The following KCNAB1 variants were observed in gnomAD, a reference collection of about 807,000 sequenced individuals.
KCNAB1 encodes voltage-gated potassium channel subunit beta-1.
A neutral mutation model predicts 64.6 loss-of-function variants in KCNAB1; 35 were observed. The ratio of observed to expected loss-of-function variants is 0.54; its 90% confidence interval spans 0.41 to 0.72. The LOEUF (loss-of-function observed/expected upper bound fraction) is 0.72, where lower values mean the gene tolerates loss of function less well. KCNAB1 is among the 30% of genes least tolerant of loss of function. The probability of loss-of-function intolerance (pLI) is 0.00; values close to 1 mark genes in which losing one functional copy is unlikely to be tolerated. For missense variants in KCNAB1, 401 were observed against 512.9 expected, an observed-to-expected ratio of 0.78 and a Z score of 2.11; for synonymous variants, 177 against 183.8, an observed-to-expected ratio of 0.96 and a Z score of 0.30.
At chr3:156,290,569 C>T (rs1720342604) in intron 1 of KCNAB1, among the ~76,000 whole-genome samples, 1 of 152,184 alleles carries the variant, frequency 6.6e-6, no homozygotes, top group Admixed American at 6.5e-5. Context: ...ATATTCCTGC[C>T]TCATGTGGGT....
At chr3:156,500,190 C>G (rs889786978) in intron 8 of KCNAB1, among the ~76,000 whole-genome samples, 1 of 152,138 alleles carries the variant, frequency 6.6e-6, no homozygotes, top group African/African-American at 2.4e-5. Context: ...GAGGGCCCAG[C>G]TGAATTAGGT....
At chr3:156,322,133 G>A (rs1470816335) in intron 1 of KCNAB1, among the ~76,000 whole-genome samples, 1 of 152,154 alleles carries the variant, frequency 6.6e-6, no homozygotes, top group Non-Finnish European at 1.5e-5. Flanking sequence ...CAAAGGACTG[G>A]GTCCAGCTGA....
intron 1 of KCNAB1, among the ~76,000 whole-genome samples, chr3:156,371,867 G>C (rs1160530137): frequency 6.6e-6 from 1 of 152,082 alleles, no homozygotes; most frequent in Non-Finnish European, 1.5e-5. Flanking sequence ...CAACCAGAAG[G>C]CAATAAAATG....
intron 1 of KCNAB1, among the ~76,000 whole-genome samples, chr3:156,147,353 C>G (rs940883446): frequency 5.3e-5 from 8 of 152,266 alleles, no homozygotes; most frequent in African/African-American, 1.9e-4. Context: ...TTATAGCAAA[C>G]ACAGCAGCAA....
intron 1 of KCNAB1, among the ~76,000 whole-genome samples, chr3:156,371,055 A>G (rs1413802672): frequency 6.6e-6 from 1 of 152,228 alleles, no homozygotes; most frequent in Non-Finnish European, 1.5e-5. Flanking sequence ...TTTATCATAG[A>G]TAAGGAATGA....
intron 1 of KCNAB1, among the ~76,000 whole-genome samples, chr3:156,195,149 T>G (rs964351198): frequency 4.6e-5 from 7 of 152,258 alleles, no homozygotes; most frequent in Non-Finnish European, 1.0e-4. Flanking sequence ...TATTCCATGG[T>G]GTATATGTGC....
chr3:156,367,191 T>C lies in KCNAB1; in HGVS notation c.276-54425T>C, dbSNP rs561477289. On this transcript the variant is annotated intron_variant, in intron 1 of 13. Coordinates refer to ENST00000490337, the MANE Select transcript of KCNAB1 (RefSeq NM_172160.3). ...TCTACCTTTTTTTTTTTTTTTTTTT[T>C]CTGAGGCGGAGTCTCGCTCTGTCAC... Among the ~76,000 whole-genome samples, 17 of 128,522 alleles carry C rather than the reference T, an allele frequency of 1.3e-4. No homozygotes were observed. The South Asian group carries it at 3.1e-3, about 24-fold the overall frequency. The allele number at this position is 128,522 out of a possible 152,430, so 84.3% of individuals were successfully genotyped here.
chr3:156,415,539 G>A (rs1248581280), intron 1 of KCNAB1, among the ~76,000 whole-genome samples: 1 of 151,932 alleles, frequency 6.6e-6, no homozygotes, highest in Non-Finnish European at 1.5e-5. Flanking sequence ...CCACAAAGCT[G>A]AACATGAAGG....
chr3:156,339,675 G>A (rs1370784139), intron 1 of KCNAB1, among the ~76,000 whole-genome samples: 2 of 152,208 alleles, frequency 1.3e-5, no homozygotes, highest in Non-Finnish European at 2.9e-5. Flanking sequence ...AGGCAGCAGG[G>A]CACGTGCCAT....
chr3:156,492,038 A>C (rs754979498), intron 8 of KCNAB1, among the ~76,000 whole-genome samples: 3 of 152,144 alleles, frequency 2.0e-5, no homozygotes, highest in Admixed American at 1.3e-4. Context: ...CTCATAGCTA[A>C]TTATTGGAGG....
intron 8 of KCNAB1, among the ~76,000 whole-genome samples, chr3:156,485,645 G>T (rs1432649949): frequency 6.6e-6 from 1 of 151,878 alleles, no homozygotes; most frequent in East Asian, 1.9e-4. Context: ...TGTTACATGG[G>T]TATATTACAT....
At chr3:156,186,858 T>C (rs1198209592) in intron 1 of KCNAB1, among the ~76,000 whole-genome samples, 3 of 151,700 alleles carry the variant, frequency 2.0e-5, no homozygotes, top group Admixed American at 1.3e-4. Context: ...CTTTTTTTTT[T>C]TTTTCTTTCT....
At chr3:156,473,898 T>C (rs1371244118) in intron 7 of KCNAB1, among the ~76,000 whole-genome samples, 5 of 152,182 alleles carry the variant, frequency 3.3e-5, no homozygotes, top group African/African-American at 1.2e-4. Context: ...GTCATCCTTT[T>C]GGTTGCATAA....
At chr3:156,296,726 G>A (rs1720810601) in intron 1 of KCNAB1, among the ~76,000 whole-genome samples, 1 of 152,014 alleles carries the variant, frequency 6.6e-6, no homozygotes, top group African/African-American at 2.4e-5. Flanking sequence ...GCCCACCTCG[G>A]CCTCCCAAAG....
At chr3:156,504,981 A>G (rs1716735530) in intron 8 of KCNAB1, among the ~76,000 whole-genome samples, 1 of 151,972 alleles carries the variant, frequency 6.6e-6, no homozygotes, top group South Asian at 2.1e-4. Context: ...ATCTTTGTCC[A>G]GACCAATTTC....
At chr3:156,229,207 T>C (rs1308099894) in intron 1 of KCNAB1, among the ~76,000 whole-genome samples, 2 of 152,206 alleles carry the variant, frequency 1.3e-5, no homozygotes, top group Non-Finnish European at 2.9e-5. Flanking sequence ...AAAAGAGGTT[T>C]AATTGGCTCG....
chr3:156,422,903 A>G (rs1310962989), intron 2 of KCNAB1, among the ~76,000 whole-genome samples: 1 of 152,238 alleles, frequency 6.6e-6, no homozygotes, highest in Non-Finnish European at 1.5e-5. Flanking sequence ...ATCAGAAAAA[A>G]AAATGGAGTC....
chr3:156,243,687 C>T (rs1316742840), intron 1 of KCNAB1, among the ~76,000 whole-genome samples: 1 of 152,208 alleles, frequency 6.6e-6, no homozygotes, highest in Non-Finnish European at 1.5e-5. Context: ...CTTAGCACTA[C>T]TACTTCTATT....
At position 156,536,800 on chromosome 3, in the gene KCNAB1, G is replaced by A; in HGVS notation, c.*53G>A. 4.1e-6 allele frequency: 5 copies of A among 1,220,508 alleles called. No homozygotes were observed. The highest frequency in any genetic ancestry group is 4.9e-6 in the Non-Finnish European group (4 of 823,310). 75.6% of individuals were successfully genotyped at this position (1,220,508 alleles called of 1,614,324 possible). On this transcript the variant is annotated 3_prime_UTR_variant, in exon 14 of 14. Transcript: ENST00000490337. Reference sequence around the variant, plus strand: ...TGGTTAAAATAGCGGCCTGTGCCCAGTACAGAAAGGTGTTACTAACCAGTC... The same window carrying A: ...TGGTTAAAATAGCGGCCTGTGCCCAATACAGAAAGGTGTTACTAACCAGTC...
Sources: gnomAD v4.1 joint callset for allele counts (sites outside exome capture counted in the v4.1 genomes callset) on GRCh38, gnomAD v4.1.1 for gene constraint, MANE v1.5 for transcripts, NCBI Gene and HGNC (gene_info 2026-07-23, HGNC 2026-07-21) for gene names.